Variants in PAX8 observed in about 807,000 individuals in gnomAD.
PAX8 encodes the protein paired box 8, also known as paired box protein Pax-8.
Under a neutral mutation model 52.4 loss-of-function variants are expected in PAX8, and 15 were observed. That is an observed-to-expected ratio of 0.29 (90% CI 0.19 to 0.44). The LOEUF is 0.44. PAX8 is among the 20% of genes least tolerant of loss of function. The pLI is 1.00. For missense variants in PAX8, 554 were observed against 602.5 expected, an observed-to-expected ratio of 0.92 and a Z score of 0.84; for synonymous variants, 284 against 249.7, an observed-to-expected ratio of 1.14 and a Z score of -1.29.
chr2:113,238,006 G>T (rs1366237858), intron 7 of PAX8: 2 of 151,840 alleles, frequency 1.3e-5, no homozygotes, highest in African/African-American at 4.8e-5. Context: ...ACTAAATGGT[G>T]CTCTGGTTCC....
rs997757782 is a variant in PAX8, at chr2:113,218,681, C to T, written c.1277-72G>A. On this transcript the variant is annotated intron_variant, in intron 11 of 11. Coordinates refer to ENST00000429538, the MANE Select transcript of PAX8 (RefSeq NM_003466.4). ...GAAAATTGCACCATAGCCTTCCCTG[C>T]ATCTGCTGACCTTTAAGACAACACA... The T allele has an allele frequency of 1.2e-5, 11 of 920,574 alleles. No homozygotes were observed. In the East Asian group the frequency reaches 1.6e-4, roughly 13 times the overall value. The allele number at this position is 920,574 out of a possible 1,614,324, so 57.0% of individuals were successfully genotyped here. A position where few individuals can be genotyped will look rare whatever the true frequency, so the allele number is the denominator to read the frequency against.
intron 2 of PAX8, among the ~76,000 whole-genome samples, chr2:113,249,072 A>T (rs1442705542): frequency 6.6e-6 from 1 of 152,224 alleles, no homozygotes; most frequent in Non-Finnish European, 1.5e-5. Flanking sequence ...GGATGCAATG[A>T]CCCATCTTCC....
At chr2:113,264,324 G>A (rs1322119659) in intron 2 of PAX8, among the ~76,000 whole-genome samples, 4 of 152,222 alleles carry the variant, frequency 2.6e-5, no homozygotes, top group Non-Finnish European at 5.9e-5. Flanking sequence ...GCTCCGGCCT[G>A]AATGGCTGCA....
intron 2 of PAX8, among the ~76,000 whole-genome samples, chr2:113,260,878 T>TTTTGTGTG (rs1692619292): frequency 6.8e-6 from 1 of 148,116 alleles, no homozygotes; most frequent in African/African-American, 2.5e-5. Context: ...AGTGACTGTT[T>TTTTGTGTG]TGTGTGTGTG....
intron 2 of PAX8, among the ~76,000 whole-genome samples, chr2:113,255,126 GAGGAAGGA>G (rs546980899): frequency 2.0e-5 from 3 of 147,542 alleles, no homozygotes; most frequent in African/African-American, 5.1e-5. Context: ...TAGAGGGAAG[GAGGAAGGA>G]AGGAAGGAAG....
intron 2 of PAX8, among the ~76,000 whole-genome samples, chr2:113,258,763 C>A (rs796257170): frequency 1.1e-4 from 17 of 152,140 alleles, no homozygotes; most frequent in African/African-American, 3.9e-4. Flanking sequence ...AATGGTCTAC[C>A]CCCCTCTCTC....
At chr2:113,261,190 T>C (rs944190762) in intron 2 of PAX8, among the ~76,000 whole-genome samples, 3 of 152,056 alleles carry the variant, frequency 2.0e-5, no homozygotes, top group African/African-American at 7.2e-5. Flanking sequence ...CTGCAGTTTC[T>C]GGAGAGGAAA....
At chr2:113,244,663 C>T (rs1298408369) in intron 3 of PAX8, 39 bp from the exon 4 acceptor site, 4 of 1,584,932 alleles carry the variant, frequency 2.5e-6, no homozygotes, top group Non-Finnish European at 3.5e-6. Flanking sequence ...ACCCAATAAG[C>T]AGGTGGGGTC....
intron 2 of PAX8, among the ~76,000 whole-genome samples, chr2:113,259,895 C>T (rs1692541453): frequency 6.6e-6 from 1 of 152,210 alleles, no homozygotes; most frequent in African/African-American, 2.4e-5. Flanking sequence ...GGTCCAGGGT[C>T]TCTGCGTTTG....
At chr2:113,241,431 G>A in intron 7 of PAX8, 120 bp downstream of exon 7, 1 of 938,718 alleles carries the variant, frequency 1.1e-6, no homozygotes, top group Non-Finnish European at 1.7e-6. Context: ...GCATAAGGCA[G>A]GTGCCCTGAG....
chr2:113,246,355 A>G (rs1325893212), intron 3 of PAX8, among the ~76,000 whole-genome samples: 1 of 152,078 alleles, frequency 6.6e-6, no homozygotes, highest in African/African-American at 2.4e-5. Flanking sequence ...TCACTCTTTT[A>G]GGGGTTAGAC....
intron 2 of PAX8, among the ~76,000 whole-genome samples, chr2:113,264,632 G>T (rs1573531842): frequency 1.3e-5 from 2 of 152,196 alleles, no homozygotes; most frequent in Non-Finnish European, 2.9e-5. Context: ...AAGGGTTCTT[G>T]TTCTTTTCTA....
intron 10 of PAX8, chr2:113,225,968 G>A: frequency 1.0e-6 from 1 of 984,928 alleles, no homozygotes; most frequent in Non-Finnish European, 1.2e-6. Context: ...AGGGAGTCCG[G>A]GGCCAGGAGG....
At chr2:113,247,614 G>A (rs1430228171) in intron 2 of PAX8, among the ~76,000 whole-genome samples, 1 of 152,192 alleles carries the variant, frequency 6.6e-6, no homozygotes, top group African/African-American at 2.4e-5. Context: ...GGGGCTACAG[G>A]CCACTGTGGG....
At position 113,217,607 on chromosome 2, in the gene PAX8, G is replaced by A. The variant is rs1339966625; in HGVS notation, c.*926C>T. The stretch of plus-strand genomic sequence containing the variant: ...CCCTCTATCGCTGGCTTCAGGGGGT[G>A]CCTTGGGTCCCTTCAGTAGCTGGTG... On this transcript the variant is annotated 3_prime_UTR_variant, in exon 12 of 12. Transcript: ENST00000429538. 3.0e-5 allele frequency: 7 copies of A among 231,026 alleles called. No homozygotes were observed. In the East Asian group the frequency reaches 3.1e-4, roughly 10 times the overall value. The allele number at this position is 231,026 out of a possible 1,614,324, so 14.3% of individuals were successfully genotyped here. A position where few individuals can be genotyped will look rare whatever the true frequency, so the allele number is the denominator to read the frequency against.
intron 6 of PAX8, 101 bp downstream of exon 6, chr2:113,241,907 T>C (rs553001272): frequency 1.3e-5 from 19 of 1,500,074 alleles, no homozygotes; most frequent in Admixed American, 1.9e-5. Flanking sequence ...GCAGAGCCCC[T>C]ACAAAGTCCC....
chr2:113,277,742 C>T (rs1288689602), intron 2 of PAX8, among the ~76,000 whole-genome samples: 1 of 152,190 alleles, frequency 6.6e-6, no homozygotes, highest in Non-Finnish European at 1.5e-5. Flanking sequence ...CTTCCGGGCG[C>T]AGGTGGGGAG....
At chr2:113,224,307 GAGGCCA>G (rs1558684882) in intron 10 of PAX8, among the ~76,000 whole-genome samples, 1 of 152,144 alleles carries the variant, frequency 6.6e-6, no homozygotes, top group Non-Finnish European at 1.5e-5. Context: ...AACACTTTGG[GAGGCCA>G]AGGCGGGCAG....
At chr2:113,263,792 T>C (rs1692859963) in intron 2 of PAX8, among the ~76,000 whole-genome samples, 1 of 152,164 alleles carries the variant, frequency 6.6e-6, no homozygotes, top group East Asian at 1.9e-4. Context: ...TCAGTGTTTC[T>C]TAAATGCTGA....
Sources: gnomAD v4.1 joint callset for allele counts (sites outside exome capture counted in the v4.1 genomes callset) on GRCh38, gnomAD v4.1.1 for gene constraint, MANE v1.5 for transcripts, NCBI Gene and HGNC (gene_info 2026-07-23, HGNC 2026-07-21) for gene names.